LSAMP: variants seen among roughly 807,000 people sequenced by gnomAD.
LSAMP encodes limbic system associated membrane protein.
LSAMP carries 7 observed loss-of-function variants against 38.6 expected under a neutral mutation model. That is an observed-to-expected ratio of 0.18 (90% CI 0.10 to 0.34). The LOEUF (loss-of-function observed/expected upper bound fraction) is 0.34. Ranked by LOEUF, LSAMP falls within the 10% of genes least tolerant of loss-of-function variation. LSAMP has a pLI of 1.00. For synonymous variants in LSAMP, 154 were observed against 166.8 expected (o/e 0.92, Z 0.59); for missense variants, 313 against 420.0 (o/e 0.75, Z 2.23).
chr3:116,291,476 C>A (rs1161098931), intron 1 of LSAMP, among the ~76,000 whole-genome samples: 2 of 152,120 alleles, frequency 1.3e-5, no homozygotes, highest in African/African-American at 2.4e-5. Flanking sequence ...AGTGCTTTGG[C>A]CTAGATGATA....
chr3:115,821,257 C>T (rs940817500), intron 6 of LSAMP, among the ~76,000 whole-genome samples: 1 of 152,156 alleles, frequency 6.6e-6, no homozygotes, highest in African/African-American at 2.4e-5. Context: ...AGGAAATCTT[C>T]ATATCTTTAT....
At chr3:116,158,479 A>G (rs539548480) in intron 1 of LSAMP, among the ~76,000 whole-genome samples, 2 of 152,310 alleles carry the variant, frequency 1.3e-5, no homozygotes, top group African/African-American at 2.4e-5. Flanking sequence ...ACTTTATCTG[A>G]TAAATAATTT....
chr3:116,143,555 T>G (rs1709420414), intron 1 of LSAMP, among the ~76,000 whole-genome samples: 1 of 151,960 alleles, frequency 6.6e-6, no homozygotes. Context: ...TATGCTTGTA[T>G]TAAAATATCT....
At chr3:116,326,436 T>C (rs770444021) in intron 1 of LSAMP, among the ~76,000 whole-genome samples, 1 of 152,164 alleles carries the variant, frequency 6.6e-6, no homozygotes, top group Non-Finnish European at 1.5e-5. Context: ...AGAACTCTCC[T>C]GAGTCTCTCT....
At chr3:115,828,511 C>T (rs1314050134) in intron 6 of LSAMP, among the ~76,000 whole-genome samples, 3 of 152,208 alleles carry the variant, frequency 2.0e-5, no homozygotes, top group Non-Finnish European at 2.9e-5. Context: ...TTAACTGGCA[C>T]ATGAGGCAGA....
chr3:116,439,321 T>G (rs1559868657), intron 1 of LSAMP, among the ~76,000 whole-genome samples: 1 of 150,934 alleles, frequency 6.6e-6, no homozygotes, highest in African/African-American at 2.4e-5. Context: ...ATTTTGTTGT[T>G]TTTTTTTTTT....
At chr3:115,810,459 G>T in intron 6 of LSAMP, 45 bp from the exon 7 acceptor site, 2 of 1,311,642 alleles carry the variant, frequency 1.5e-6, no homozygotes, top group East Asian at 2.3e-5. Flanking sequence ...GAGTTACATG[G>T]GCCCACTGTA....
chr3:116,402,181 C>T lies in LSAMP; in HGVS notation c.155+42696G>A, dbSNP rs549510257. Among the ~76,000 whole-genome samples, 15 of 152,170 alleles carry T rather than the reference C, an allele frequency of 9.9e-5. No individual in the cohort carries two copies. The South Asian group carries it at 2.9e-3, about 29-fold the overall frequency. On this transcript the variant is annotated intron_variant, in intron 1 of 6. Coordinates refer to ENST00000490035, the MANE Select transcript of LSAMP (RefSeq NM_002338.5). ...AAGTGATAATTTTGTATTTTATTTG[C>T]GATTTCACATGTTAGGGCTAAAGAC...
At chr3:116,358,991 T>C (rs2048265250) in intron 1 of LSAMP, among the ~76,000 whole-genome samples, 1 of 152,216 alleles carries the variant, frequency 6.6e-6, no homozygotes, top group Admixed American at 6.5e-5. Flanking sequence ...CTTCACCACG[T>C]ATAAAATCTG....
chr3:116,038,755 C>T (rs534705250), intron 2 of LSAMP, among the ~76,000 whole-genome samples: 2 of 152,112 alleles, frequency 1.3e-5, no homozygotes, highest in East Asian at 1.9e-4. Context: ...AGAAAGACCA[C>T]GAAGGGCAAC....
intron 1 of LSAMP, among the ~76,000 whole-genome samples, chr3:116,100,736 T>C (rs770080194): frequency 2.6e-5 from 4 of 152,204 alleles, no homozygotes; most frequent in Non-Finnish European, 5.9e-5. Context: ...CCTGTAAAAA[T>C]CCAAATAGAT....
chr3:115,814,887 A>C (rs1009961532), intron 6 of LSAMP, among the ~76,000 whole-genome samples: 3 of 152,224 alleles, frequency 2.0e-5, no homozygotes, highest in Non-Finnish European at 4.4e-5. Context: ...CTCCCGTAGC[A>C]TCTAGCCCAG....
intron 1 of LSAMP, among the ~76,000 whole-genome samples, chr3:116,387,520 A>G (rs1289353612): frequency 6.6e-6 from 1 of 152,168 alleles, no homozygotes; most frequent in Non-Finnish European, 1.5e-5. Context: ...TATCAATAAA[A>G]AACTAACAAA....
At chr3:115,832,033 G>C (rs1048662777) in intron 6 of LSAMP, among the ~76,000 whole-genome samples, 3 of 152,094 alleles carry the variant, frequency 2.0e-5, no homozygotes, top group African/African-American at 7.2e-5. Context: ...ATTTATTGAG[G>C]CTTGTTTTTG....
chr3:116,080,925 T>C (rs1335658875), intron 2 of LSAMP, among the ~76,000 whole-genome samples: 1 of 152,168 alleles, frequency 6.6e-6, no homozygotes, highest in Non-Finnish European at 1.5e-5. Context: ...CAATGTATAA[T>C]TGTTGAAAGA....
Position 115,973,856 on chromosome 3 carries a change from A to C in LSAMP, c.514+45659T>G, listed in dbSNP as rs527758845. On this transcript the variant is annotated intron_variant, in intron 3 of 6. Transcript: ENST00000490035. ...CATTTGTGTTAAGTACTTGTGTGTG[A>C]AATTTTCCACTTACAATGTCATGTT... Among the ~76,000 whole-genome samples, 6 of 152,324 alleles carry C rather than the reference A, an allele frequency of 3.9e-5. No homozygotes were observed. The South Asian group carries it at 1.2e-3, about 32-fold the overall frequency.
chr3:116,355,263 T>C (rs1024901782), intron 1 of LSAMP, among the ~76,000 whole-genome samples: 8 of 152,164 alleles, frequency 5.3e-5, no homozygotes, highest in Non-Finnish European at 1.2e-4. Flanking sequence ...AAAATAAGCA[T>C]GCCTGCTGAT....
intron 1 of LSAMP, among the ~76,000 whole-genome samples, chr3:116,158,447 C>G (rs529102453): frequency 6.6e-6 from 1 of 152,226 alleles, no homozygotes; most frequent in African/African-American, 2.4e-5. Context: ...CCAGATAACA[C>G]CATAGTATCT....
intron 1 of LSAMP, among the ~76,000 whole-genome samples, chr3:116,220,185 A>AACACACAC (rs3974285): frequency 0.039 from 5,458 of 141,248 alleles, 112 homozygotes; most frequent in Non-Finnish European, 0.044. Flanking sequence ...TCCATCTCAA[A>AACACACAC]ACACACACAC....
Sources: allele counts gnomAD v4.1 joint callset (sites outside exome capture counted in the v4.1 genomes callset), GRCh38; gene constraint gnomAD v4.1.1; transcripts MANE v1.5; gene names NCBI Gene and HGNC (gene_info 2026-07-23, HGNC 2026-07-21).